The following ATAD1 variants were observed in gnomAD, a reference collection of about 807,000 sequenced individuals.
ATAD1 encodes the protein outer mitochondrial transmembrane helix translocase.
Under a neutral mutation model 42.7 loss-of-function variants are expected in ATAD1, and 18 were observed. The ratio of observed to expected loss-of-function variants is 0.42; its 90% CI spans 0.29 to 0.63. The LOEUF (loss-of-function observed/expected upper bound fraction) is 0.63, where lower values mean the gene tolerates loss of function less well. Among genes scored for constraint, ATAD1 ranks in the 20% least tolerant of loss-of-function variants. ATAD1 has a pLI of 0.19. For missense variants in ATAD1, 294 were observed against 440.4 expected (o/e 0.67, Z 2.98); for synonymous variants, 132 against 143.1 (o/e 0.92, Z 0.55).
chr10:87,798,625 G>GGGGTGTGT (rs1554881741), intron 2 of ATAD1, among the ~76,000 whole-genome samples: 2 of 124,860 alleles, frequency 1.6e-5, no homozygotes, highest in African/African-American at 3.1e-5. Context: ...AGCTATAGGG[G>GGGGTGTGT]GTGTGTGTGT....
chr10:87,825,129 TA>T (rs1283275346), intron 1 of ATAD1, among the ~76,000 whole-genome samples: 1 of 152,158 alleles, frequency 6.6e-6, no homozygotes, highest in Non-Finnish European at 1.5e-5. Context: ...GATTTTAAGT[TA>T]GAGGTTTGCC....
intron 9 of ATAD1, among the ~76,000 whole-genome samples, chr10:87,755,557 T>C (rs903627174): frequency 2.0e-5 from 3 of 152,162 alleles, no homozygotes; most frequent in Non-Finnish European, 4.4e-5. Flanking sequence ...TTAGTGTAAT[T>C]TACCTAAGCA....
chr10:87,813,355 T>C (rs1030570083), intron 2 of ATAD1, among the ~76,000 whole-genome samples: 1 of 150,944 alleles, frequency 6.6e-6, no homozygotes, highest in African/African-American at 2.4e-5. Context: ...AGTTTTTCTT[T>C]TTTTTTTTTT....
intron 8 of ATAD1, among the ~76,000 whole-genome samples, chr10:87,762,867 G>A (rs1854549058): frequency 6.9e-6 from 1 of 144,454 alleles, no homozygotes; most frequent in Non-Finnish European, 1.5e-5. Flanking sequence ...TCAGGAGTCC[G>A]AGACCAGCCT....
upstream of ATAD1, among the ~76,000 whole-genome samples, chr10:87,822,064 A>T (rs1214343086): frequency 6.6e-6 from 1 of 152,232 alleles, no homozygotes; most frequent in African/African-American, 2.4e-5. Context: ...CTTTGGAAGG[A>T]AAAACAAATC....
chr10:87,810,511 T>C (rs568599451), intron 2 of ATAD1, among the ~76,000 whole-genome samples: 5 of 152,298 alleles, frequency 3.3e-5, no homozygotes, highest in South Asian at 2.1e-4. Context: ...TTTTGCTTTA[T>C]GTATTTTCAG....
chr10:87,827,994 G>C (rs1337441677), intron 1 of ATAD1, among the ~76,000 whole-genome samples: 1 of 152,090 alleles, frequency 6.6e-6, no homozygotes, highest in Non-Finnish European at 1.5e-5. Context: ...GTCTTACTCT[G>C]TTGCCCAGGC....
At chr10:87,805,135 T>C (rs1299488071) in intron 2 of ATAD1, among the ~76,000 whole-genome samples, 3 of 152,234 alleles carry the variant, frequency 2.0e-5, no homozygotes, top group Non-Finnish European at 4.4e-5. Context: ...CAAAGTGTTC[T>C]ACATCTAAGC....
chr10:87,774,414 A>G (rs1855193324), intron 6 of ATAD1, among the ~76,000 whole-genome samples: 1 of 152,204 alleles, frequency 6.6e-6, no homozygotes, highest in Non-Finnish European at 1.5e-5. Context: ...TGTTGATGCC[A>G]GGGTTCTGAT....
chr10:87,787,455 A>C (rs1311858070), intron 4 of ATAD1, among the ~76,000 whole-genome samples: 1 of 152,098 alleles, frequency 6.6e-6, no homozygotes, highest in Non-Finnish European at 1.5e-5. Flanking sequence ...CTGTCTCTAC[A>C]AAAAATTAAA....
intron 4 of ATAD1, among the ~76,000 whole-genome samples, chr10:87,787,037 G>A (rs1336888480): frequency 1.3e-5 from 2 of 152,090 alleles, no homozygotes; most frequent in Non-Finnish European, 2.9e-5. Flanking sequence ...GTTATTTAGA[G>A]TGGCACCTTT....
intron 6 of ATAD1, among the ~76,000 whole-genome samples, chr10:87,774,794 A>C (rs1855213232): frequency 6.6e-6 from 1 of 152,054 alleles, no homozygotes; most frequent in Non-Finnish European, 1.5e-5. Flanking sequence ...CTACAAAAAA[A>C]ACACCAAAAT....
chr10:87,790,558 C>T (rs375307206), intron 3 of ATAD1, 128 bp from the exon 4 acceptor site: 110 of 1,005,316 alleles, frequency 1.1e-4, no homozygotes, highest in East Asian at 1.0e-3. Flanking sequence ...CATATATTAA[C>T]ATAAGTAAAG....
intron 4 of ATAD1, among the ~76,000 whole-genome samples, chr10:87,789,168 C>T (rs934222371): frequency 1.3e-5 from 2 of 152,156 alleles, no homozygotes; most frequent in Admixed American, 6.5e-5. Flanking sequence ...ATAATTTAAA[C>T]ATACATAATG....
chr10:87,811,001 C>T (rs1417143710), intron 2 of ATAD1, among the ~76,000 whole-genome samples: 4 of 152,144 alleles, frequency 2.6e-5, no homozygotes, highest in African/African-American at 9.7e-5. Flanking sequence ...AAGTTTTTAA[C>T]CTGCATTCTT....
At chr10:87,759,072 T>C (rs1354976752) in intron 8 of ATAD1, among the ~76,000 whole-genome samples, 1 of 152,184 alleles carries the variant, frequency 6.6e-6, no homozygotes, top group East Asian at 1.9e-4. Context: ...GCTTTAAGTC[T>C]GATTATAGTC....
chr10:87,815,483 G>A (rs769844858), intron 1 of ATAD1, among the ~76,000 whole-genome samples: 1 of 151,950 alleles, frequency 6.6e-6, no homozygotes, highest in Non-Finnish European at 1.5e-5. Flanking sequence ...TCTCAGCACA[G>A]GAGTGTGCTG....
intron 2 of ATAD1, among the ~76,000 whole-genome samples, chr10:87,800,079 G>A (rs1234356765): frequency 2.0e-5 from 3 of 148,934 alleles, no homozygotes; most frequent in African/African-American, 7.4e-5. Flanking sequence ...CACAATAAGA[G>A]GATTTATTTA....
intron 3 of ATAD1, among the ~76,000 whole-genome samples, chr10:87,791,541 T>C (rs1291189757): frequency 6.6e-6 from 1 of 152,190 alleles, no homozygotes; most frequent in Non-Finnish European, 1.5e-5. Context: ...TAGGCAGGGT[T>C]CCAAGAAGGT....
Sources: allele counts gnomAD v4.1 joint callset (sites outside exome capture counted in the v4.1 genomes callset), GRCh38; gene constraint gnomAD v4.1.1; transcripts MANE v1.5; gene names NCBI Gene and HGNC (gene_info 2026-07-23, HGNC 2026-07-21).